The following DYNC2H1 variants were observed in gnomAD, a reference collection of about 807,000 sequenced individuals.
DYNC2H1 encodes dynein cytoplasmic 2 heavy chain 1, also known as cytoplasmic dynein 2 heavy chain 1.
DYNC2H1 carries 410 observed loss-of-function variants against 570.0 expected under a neutral mutation model. The observed-to-expected ratio is 0.72, with a 90% confidence interval of 0.66 to 0.78. DYNC2H1 has a LOEUF of 0.78. Ranked by LOEUF, DYNC2H1 falls within the 30% of genes least tolerant of loss-of-function variation. The pLI is 0.00. For synonymous variants in DYNC2H1, 1,688 were observed against 1,677.6 expected (o/e 1.01, Z -0.15); for missense variants, 4,865 against 5,046.4 (o/e 0.96, Z 1.09).
chr11:103,155,471 T>C lies in DYNC2H1; in HGVS notation c.3714T>C (p.Asp1238=). The C allele has an allele frequency of 6.2e-7, 1 of 1,611,240 alleles. No homozygotes were observed. Among genetic ancestry groups the C allele is most frequent in the Non-Finnish European group, 8.5e-7 (1 of 1,178,672 alleles). ...TTGGTGATTTGCTCAGAGTAGCTGATACAATTGTAGCCAAAGCTGCCGACC... is the reference window on the plus strand; with the variant it reads ...TTGGTGATTTGCTCAGAGTAGCTGACACAATTGTAGCCAAAGCTGCCGACC... The part of the protein sequence containing the change: ...LLFGDLLRVA[D]TIVAKAADLK... Residue 1238 remains aspartate, a synonymous_variant, in exon 25 of 89, where the codon GAT becomes GAC. Transcript: ENST00000375735.
intron 75 of DYNC2H1, 41 bp from the exon 76 acceptor site, chr11:103,303,052 C>T (rs1591546946): frequency 1.5e-6 from 2 of 1,330,288 alleles, no homozygotes; most frequent in Non-Finnish European, 2.0e-6. Context: ...TTTAATAATG[C>T]ATACTGCTTT....
chr11:103,214,056 A>G (rs1419106513), intron 54 of DYNC2H1, among the ~76,000 whole-genome samples: 1 of 152,118 alleles, frequency 6.6e-6, no homozygotes, highest in African/African-American at 2.4e-5. Flanking sequence ...GTGGATATCC[A>G]ATTTTCCCAC....
chr11:103,415,381 G>A lies in DYNC2H1; in HGVS notation c.12366+15509G>A, dbSNP rs1244658430. 2.6e-5 allele frequency among the ~76,000 whole-genome samples: 4 copies of A among 152,092 alleles called. No individual in the cohort carries two copies. In the East Asian group the frequency reaches 5.8e-4, roughly 22 times the overall value. ...AAGAAACTACCATCAGAGTGAACAG[G>A]CAACCTACAGAATGGGAGAAAATTT... is the stretch of plus-strand genomic sequence containing the variant. On this transcript the variant is annotated intron_variant, in intron 84 of 88. Transcript: ENST00000375735.
chr11:103,362,900 G>T (rs2566904), intron 83 of DYNC2H1, among the ~76,000 whole-genome samples: 82,928 of 151,414 alleles, frequency 0.55, 24,543 homozygotes, highest in Admixed American at 0.66. Context: ...GCATGGTGGT[G>T]CACACCTGTA....
At chr11:103,320,727 A>G (rs1938140950) in intron 80 of DYNC2H1, among the ~76,000 whole-genome samples, 2 of 152,174 alleles carry the variant, frequency 1.3e-5, no homozygotes, top group African/African-American at 2.4e-5. Context: ...GAGATTGTAT[A>G]ACTTTCTCAT....
intron 63 of DYNC2H1, among the ~76,000 whole-genome samples, chr11:103,240,983 C>G (rs1864404034): frequency 6.6e-6 from 1 of 152,076 alleles, no homozygotes; most frequent in South Asian, 2.1e-4. Context: ...TCCAAATACT[C>G]CAAACCTTTT....
intron 63 of DYNC2H1, among the ~76,000 whole-genome samples, chr11:103,242,865 C>T (rs1469505988): frequency 2.6e-5 from 4 of 151,912 alleles, no homozygotes; most frequent in African/African-American, 2.4e-5. Flanking sequence ...GGACTACAAG[C>T]GCCCGCCACC....
chr11:103,351,664 CCTGTATAT>C (rs780650399), intron 82 of DYNC2H1, among the ~76,000 whole-genome samples: 4 of 152,020 alleles, frequency 2.6e-5, no homozygotes, highest in Non-Finnish European at 5.9e-5. Context: ...TCAGTGTCAT[CCTGTATAT>C]CTTTTTAAAA....
rs182777970 is a variant in DYNC2H1 at position 103,386,320 on chromosome 11, T to C, written c.12157-13343T>C. ...GTGATGTTATGTGGTATTGGAATTATTTTTTGTTTTCTCATTGAGTCTCTA... is the reference window on the plus strand; with the variant it reads ...GTGATGTTATGTGGTATTGGAATTACTTTTTGTTTTCTCATTGAGTCTCTA... On this transcript the variant is annotated intron_variant, in intron 83 of 88. Transcript: ENST00000375735. Among the ~76,000 whole-genome samples the C allele has an allele frequency of 2.0e-5, 3 of 152,268 alleles. No individual in the cohort carries two copies. The East Asian group carries it at 5.8e-4, about 29-fold the overall frequency.
chr11:103,295,573 G>A (rs1387529771), intron 75 of DYNC2H1, among the ~76,000 whole-genome samples: 1 of 152,128 alleles, frequency 6.6e-6, no homozygotes, highest in Non-Finnish European at 1.5e-5. Context: ...TTTTATCTAA[G>A]TGGTACAATG....
chr11:103,413,828 G>C (rs1244879414), intron 84 of DYNC2H1, among the ~76,000 whole-genome samples: 1 of 152,068 alleles, frequency 6.6e-6, no homozygotes, highest in Non-Finnish European at 1.5e-5. Flanking sequence ...TAATCTTTTG[G>C]AATTTTCCTT....
At chr11:103,260,936 T>A (rs894597237) in intron 70 of DYNC2H1, among the ~76,000 whole-genome samples, 4 of 149,996 alleles carry the variant, frequency 2.7e-5, no homozygotes, top group Non-Finnish European at 4.4e-5. Flanking sequence ...TTTTTTTTTT[T>A]AAATAGCAAT....
intron 59 of DYNC2H1, among the ~76,000 whole-genome samples, chr11:103,230,517 T>A (rs614902): frequency 0.93 from 142,005 of 152,296 alleles, 66,232 homozygotes; most frequent in African/African-American, 0.94. Context: ...ATTCTGGGTT[T>A]TATTAGCGGT....
chr11:103,472,211 A>G lies in DYNC2H1; in HGVS notation c.12765+3506A>G, dbSNP rs12419850. On this transcript the variant is annotated intron_variant, in intron 88 of 88. Transcript: ENST00000375735. The surrounding 1 kb of genome is among the most constrained non-coding windows in gnomAD (Gnocchi z 4.1). ...ATGCCAGAGTTTAGACCACCTTATG[A>G]TCAGTAGGAAGCCATCAAGAATTTA... is the stretch of plus-strand genomic sequence containing the variant. Among the ~76,000 whole-genome samples, 24,817 of 151,970 alleles carry G rather than the reference A, an allele frequency of 0.16. 2,195 individuals carry two copies. Among genetic ancestry groups the G allele is most frequent in the Admixed American group, 0.25 (3,751 of 15,260 alleles).
intron 82 of DYNC2H1, among the ~76,000 whole-genome samples, chr11:103,351,192 C>T (rs889196182): frequency 6.6e-6 from 1 of 152,084 alleles, no homozygotes; most frequent in Non-Finnish European, 1.5e-5. Flanking sequence ...AATGTCCTTA[C>T]TCATGTTTGT....
In DYNC2H1 at chr11:103,289,563, C is replaced by A. The variant is rs1323234705; in HGVS notation, c.11095+1958C>A. Among the ~76,000 whole-genome samples the A allele has an allele frequency of 6.6e-6, 1 of 152,026 alleles. No individual in the cohort carries two copies. The highest frequency in any genetic ancestry group is 2.4e-5 in the African/African-American group (1 of 41,392). The stretch of plus-strand genomic sequence containing the variant: ...ATTGCTTGAGCCCAGTAGTTTGAGA[C>A]CAGCCTGGGCAGCATAGTGAGACCT... On this transcript the variant is annotated intron_variant, in intron 75 of 88. Coordinates refer to ENST00000375735, the MANE Select transcript of DYNC2H1 (RefSeq NM_001377.3). This position sits in a 1 kb window ranked among gnomAD's most constrained non-coding sequence, Gnocchi z 4.2.
rs553124130 is a variant in DYNC2H1 at position 103,140,733 on chromosome 11, T to C, written c.2575-2535T>C. ...TCTTTGTGACATTCTCTGTATTTCC[T>C]GAATCTGAATGTTGGCCTGCCTTGC... is the stretch of plus-strand genomic sequence containing the variant. On this transcript the variant is annotated intron_variant, in intron 17 of 88. Transcript: ENST00000375735. 1.7e-3 allele frequency among the ~76,000 whole-genome samples: 252 copies of C among 152,324 alleles called. 1 individual carries two copies. The highest frequency in any genetic ancestry group is 5.7e-3 in the African/African-American group (235 of 41,562).
chr11:103,170,785 G>A lies in DYNC2H1; in HGVS notation c.5152-101G>A, dbSNP rs1591354519. 10 of 1,114,120 alleles carry A rather than the reference G, an allele frequency of 9.0e-6. No homozygotes were observed. Among genetic ancestry groups the A allele is most frequent in the East Asian group, 2.9e-5 (1 of 34,664 alleles). The allele number at this position is 1,114,120 out of a possible 1,614,324, so 69.0% of individuals were successfully genotyped here. A position where few individuals can be genotyped will look rare whatever the true frequency, so the allele number is the denominator to read the frequency against. On this transcript the variant is annotated intron_variant, in intron 33 of 88. Transcript: ENST00000375735. This position sits in a 1 kb window ranked among gnomAD's most constrained non-coding sequence, Gnocchi z 4.8. ...AAAATGAGCAAAAGAGGCATAGATG[G>A]GATAAATTATCACCTTATCAATAAG...
chr11:103,141,874 C>T (rs1859957557), intron 17 of DYNC2H1, among the ~76,000 whole-genome samples: 1 of 152,216 alleles, frequency 6.6e-6, no homozygotes, highest in African/African-American at 2.4e-5. Context: ...GTTCGAGCTT[C>T]CCACCTGCTT....
Sources: allele counts gnomAD v4.1 joint callset (sites outside exome capture counted in the v4.1 genomes callset), GRCh38; gene constraint gnomAD v4.1.1; non-coding constraint Gnocchi (gnomAD v3.1); transcripts MANE v1.5; gene names NCBI Gene and HGNC (gene_info 2026-07-23, HGNC 2026-07-21).